Variants in CABLES1 observed in about 807,000 individuals in gnomAD.
The protein encoded by CABLES1 is Cdk5 and Abl enzyme substrate 1.
A neutral mutation model predicts 57.8 loss-of-function variants in CABLES1; 36 were observed. The ratio of observed to expected loss-of-function variants is 0.62; its 90% CI spans 0.48 to 0.82. The LOEUF (loss-of-function observed/expected upper bound fraction) is 0.82. CABLES1 is among the 40% of genes least tolerant of loss of function. The pLI is 0.00. For synonymous variants in CABLES1, 374 were observed against 363.0 expected, an observed-to-expected ratio of 1.03 and a Z score of -0.35; for missense variants, 767 against 836.6, an observed-to-expected ratio of 0.92 and a Z score of 1.03.
At chr18:23,160,639 G>A (rs2046997300) in intron 1 of CABLES1, among the ~76,000 whole-genome samples, 1 of 152,220 alleles carries the variant, frequency 6.6e-6, no homozygotes, top group Non-Finnish European at 1.5e-5. Flanking sequence ...TACTTTGCAG[G>A]AGTCCACATG....
intron 1 of CABLES1, among the ~76,000 whole-genome samples, chr18:23,150,296 C>A (rs1211177966): frequency 6.6e-6 from 1 of 150,834 alleles, no homozygotes; most frequent in African/African-American, 2.5e-5. Context: ...GCCAGCTCCA[C>A]CTCCCGCGTT....
chr18:23,257,486 A>G lies in CABLES1; in HGVS notation c.*119A>G, dbSNP rs993322057. 4.2e-6 allele frequency: 5 copies of G among 1,183,620 alleles called. No homozygotes were observed. Among genetic ancestry groups the G allele is most frequent in the Non-Finnish European group, 5.8e-6 (5 of 868,840 alleles). The allele number at this position is 1,183,620 out of a possible 1,614,324, so 73.3% of individuals were successfully genotyped here. A position where few individuals can be genotyped will look rare whatever the true frequency, so the allele number is the denominator to read the frequency against. On this transcript the variant is annotated 3_prime_UTR_variant, in exon 10 of 10. Transcript: ENST00000256925. ...ATACCAGACTTTTCTTCCTCTCGAC[A>G]TAGTTTGGGGAGAAGCAGTACTAGA...
rs763484966 is a variant in CABLES1, at chr18:23,194,450, G to A, written c.920G>A (p.Cys307Tyr). Residue 307 changes from cysteine (C) to tyrosine (Y), a missense_variant and splice_region_variant, in exon 3 of 10, where the codon TGT becomes TAT. By Grantham distance (194) the Cys-to-Tyr change is radical. Transcript: ENST00000256925. ...TTTGAAATGACTTTATTTTTCAGATGTCGAACTCTCTCAGGTTCACCCAGA... is the reference window on the plus strand; with the variant it reads ...TTTGAAATGACTTTATTTTTCAGATATCGAACTCTCTCAGGTTCACCCAGA... ...DIEENAPLRR[C>Y]RTLSGSPRPK... 4 of 1,603,710 alleles carry A rather than the reference G, an allele frequency of 2.5e-6. No homozygotes were observed. Among genetic ancestry groups the A allele is most frequent in the Admixed American group, 1.7e-5 (1 of 59,952 alleles).
intron 1 of CABLES1, among the ~76,000 whole-genome samples, chr18:23,184,060 G>A (rs1400526243): frequency 3.9e-5 from 6 of 152,092 alleles, no homozygotes; most frequent in African/African-American, 1.4e-4. Flanking sequence ...CCTCATCTTT[G>A]GCTGGAAGGG....
At chr18:23,146,655 A>C (rs562887729) in intron 1 of CABLES1, among the ~76,000 whole-genome samples, 29 of 152,358 alleles carry the variant, frequency 1.9e-4, no homozygotes, top group Non-Finnish European at 3.7e-4. Flanking sequence ...TAGTATTATA[A>C]GTTCTGTTTA....
chr18:23,135,660 C>G lies in CABLES1; in HGVS notation c.-103C>G. On this transcript the variant is annotated 5_prime_UTR_variant, in exon 1 of 10. Transcript: ENST00000256925. ...CGCCGCGCACGCCGCCCGATCCCCG[C>G]GCCCTACCCAGCCCGGGTCGCCGCC... The G allele has an allele frequency of 2.1e-6, 2 of 954,584 alleles. No homozygotes were observed. Among genetic ancestry groups the G allele is most frequent in the Non-Finnish European group, 2.5e-6 (2 of 803,524 alleles). The allele number at this position is 954,584 out of a possible 1,614,324, so 59.1% of individuals were successfully genotyped here.
intron 1 of CABLES1, among the ~76,000 whole-genome samples, chr18:23,138,737 C>T (rs544465162): frequency 6.6e-6 from 1 of 152,340 alleles, no homozygotes; most frequent in Non-Finnish European, 1.5e-5. Flanking sequence ...GGAAACCTTT[C>T]CTGGTGTGCC....
rs534000524 is a variant in CABLES1, at chr18:23,206,709, A to G, written c.1011-7268A>G. On this transcript the variant is annotated intron_variant, in intron 3 of 9. Coordinates refer to ENST00000256925, the MANE Select transcript of CABLES1 (RefSeq NM_001100619.3). ...CTTGGTCATTCCTATTTCAACTGCA[A>G]TTTTTTTCAATGACTTGCCTTGTGT... Among the ~76,000 whole-genome samples, 20 of 152,018 alleles carry G rather than the reference A, an allele frequency of 1.3e-4. No homozygotes were observed. The East Asian group carries it at 1.5e-3, about 12-fold the overall frequency.
chr18:23,245,233 C>T (rs896768292), intron 7 of CABLES1, among the ~76,000 whole-genome samples: 8 of 152,130 alleles, frequency 5.3e-5, no homozygotes, highest in Non-Finnish European at 1.0e-4. Context: ...ATGGGCCGGG[C>T]GTAGTGCCTC....
At chr18:23,179,693 G>A (rs1475627557) in intron 1 of CABLES1, among the ~76,000 whole-genome samples, 4 of 152,332 alleles carry the variant, frequency 2.6e-5, no homozygotes, top group Admixed American at 2.0e-4. Flanking sequence ...GAGCAGTAAG[G>A]GCCATGCTTA....
At chr18:23,144,530 C>T (rs549305581) in intron 1 of CABLES1, among the ~76,000 whole-genome samples, 1 of 152,346 alleles carries the variant, frequency 6.6e-6, no homozygotes, top group South Asian at 2.1e-4. Context: ...GTATGGAGTT[C>T]TGAGTACCTC....
chr18:23,223,816 G>A (rs1279741171), intron 4 of CABLES1, among the ~76,000 whole-genome samples: 1 of 152,030 alleles, frequency 6.6e-6, no homozygotes, highest in Non-Finnish European at 1.5e-5. Context: ...GCATGTGTTA[G>A]GAAGCTGTCA....
chr18:23,148,172 G>T (rs2046905392), intron 1 of CABLES1, among the ~76,000 whole-genome samples: 1 of 151,884 alleles, frequency 6.6e-6, no homozygotes, highest in African/African-American at 2.4e-5. Flanking sequence ...TGTATGTTTA[G>T]TAGAGACAGG....
chr18:23,155,822 C>G (rs978276011), intron 1 of CABLES1: 1 of 1,607,080 alleles, frequency 6.2e-7, no homozygotes, highest in African/African-American at 1.3e-5. Context: ...TGCTTAGCCT[C>G]CAGGCCATTT....
intron 1 of CABLES1, among the ~76,000 whole-genome samples, chr18:23,168,981 C>T (rs532521065): frequency 7.9e-5 from 12 of 152,226 alleles, no homozygotes; most frequent in South Asian, 4.1e-4. Flanking sequence ...AATCACAGGA[C>T]GAGGTAGGAG....
At chr18:23,211,235 A>G (rs1365283722) in intron 3 of CABLES1, among the ~76,000 whole-genome samples, 2 of 152,206 alleles carry the variant, frequency 1.3e-5, no homozygotes, top group East Asian at 3.8e-4. Context: ...GTGGGAAGGA[A>G]GGACACCTTA....
chr18:23,182,696 G>A (rs149387290), intron 1 of CABLES1, among the ~76,000 whole-genome samples: 25 of 152,332 alleles, frequency 1.6e-4, no homozygotes, highest in South Asian at 1.0e-3. Flanking sequence ...CACCTTCCAC[G>A]AAGTGGGCTG....
At chr18:23,134,643 A>C (rs935849491), upstream of CABLES1, 1 of 152,210 alleles carries the variant, frequency 6.6e-6, no homozygotes, top group East Asian at 1.9e-4. Context: ...ATCTACAAAA[A>C]TTTGCAAGGT....
chr18:23,248,512 CTTTTTTTTTTTTTT>C (rs59555750), intron 7 of CABLES1, among the ~76,000 whole-genome samples: 2 of 90,714 alleles, frequency 2.2e-5, no homozygotes, highest in Non-Finnish European at 4.3e-5. Flanking sequence ...GACCCTATGT[CTTTTTTTTTTTTTT>C]TTTTTTTTTT....
Sources: allele counts gnomAD v4.1 joint callset (sites outside exome capture counted in the v4.1 genomes callset), GRCh38; gene constraint gnomAD v4.1.1; transcripts MANE v1.5; gene names NCBI Gene and HGNC (gene_info 2026-07-23, HGNC 2026-07-21).